SH3GLB2: variants seen among roughly 807,000 people sequenced by gnomAD.
The protein encoded by SH3GLB2 is endophilin-B2.
Under a neutral mutation model 48.0 loss-of-function variants are expected in SH3GLB2, and 24 were observed. That is an observed-to-expected ratio of 0.50 (90% CI 0.36 to 0.70). The LOEUF (loss-of-function observed/expected upper bound fraction) is 0.70, where lower values mean the gene tolerates loss of function less well. SH3GLB2 is among the 30% of genes least tolerant of loss of function. SH3GLB2 has a pLI of 0.00. For missense variants in SH3GLB2, 425 were observed against 516.0 expected (o/e 0.82, Z 1.71); for synonymous variants, 227 against 207.6 (o/e 1.09, Z -0.80).
In SH3GLB2 at chr9:129,008,799, G is replaced by T. The variant is rs1380704551; in HGVS notation, c.1081-8C>A. 6.2e-7 allele frequency: 1 copy of T among 1,612,700 alleles called. No homozygotes were observed. Among genetic ancestry groups the T allele is most frequent in the African/African-American group, 1.3e-5 (1 of 74,908 alleles). ...GCTGTAGACAGTGATGAGCTGCAGA[G>T]ATGGCAGTAGAGGACGGTCATGGCC... On this transcript the variant is annotated splice_polypyrimidine_tract_variant and splice_region_variant and intron_variant, in intron 10 of 10. Coordinates refer to ENST00000372564, the MANE Select transcript of SH3GLB2 (RefSeq NM_020145.4).
intron 1 of SH3GLB2, 58 bp downstream of exon 1, chr9:129,028,034 T>C: frequency 6.8e-7 from 1 of 1,464,036 alleles, no homozygotes; most frequent in Non-Finnish European, 9.0e-7. Flanking sequence ...TGCCGCAGGG[T>C]GCTCCCCGCC....
intron 1 of SH3GLB2, among the ~76,000 whole-genome samples, chr9:129,025,623 AAGGCAGGCAGGC>A (rs764337598): frequency 1.8e-4 from 26 of 146,146 alleles, no homozygotes; most frequent in South Asian, 8.7e-4. Flanking sequence ...GGAAGGAAGG[AAGGCAGGCAGGC>A]AGGCAGGCAG....
chr9:129,028,198 C>A lies in SH3GLB2; in HGVS notation c.-44G>T. The stretch of plus-strand genomic sequence containing the variant: ...CCGCGCACGGCCCGAGCGCAGCCGG[C>A]AGCCCCCGGCCCAGCCGCCGCCGCC... On this transcript the variant is annotated 5_prime_UTR_variant, in exon 1 of 11. Transcript: ENST00000372564. 8.1e-7 allele frequency: 1 copy of A among 1,236,848 alleles called. No homozygotes were observed. The allele number at this position is 1,236,848 out of a possible 1,614,324, so 76.6% of individuals were successfully genotyped here. A position where few individuals can be genotyped will look rare whatever the true frequency, so the allele number is the denominator to read the frequency against.
intron 9 of SH3GLB2, 35 bp downstream of exon 9, chr9:129,009,736 G>A (rs1257896832): frequency 1.3e-6 from 2 of 1,583,290 alleles, no homozygotes; most frequent in Non-Finnish European, 1.7e-6. Flanking sequence ...GGGAGCCAGG[G>A]GGCCCCAGTG....
At chr9:129,012,324 G>C in intron 5 of SH3GLB2, 26 bp from the exon 6 acceptor site, 1 of 1,278,410 alleles carries the variant, frequency 7.8e-7, no homozygotes, top group Non-Finnish European at 1.0e-6. Flanking sequence ...GTTCATGTGG[G>C]GAGGGGGTCA....
Position 129,009,304 on chromosome 9 carries a change from T to A in SH3GLB2, c.882A>T (p.Pro294=). The A allele has an allele frequency of 6.5e-7, 1 of 1,545,280 alleles. No homozygotes were observed. Among genetic ancestry groups the A allele is most frequent in the Non-Finnish European group, 8.7e-7 (1 of 1,143,306 alleles). Residue 294 remains proline (P), a synonymous_variant, in exon 10 of 11, where the codon CCA becomes CCT. Transcript: ENST00000372564. ...TGGTGGGTGAGGTGCTGCTCAGGGG[T>A]GGGGAGGCGGGCTCTGTGGTGCCCA... ...TFVGTTEPAS[P]PLSSTSPTTA... is the part of the protein sequence containing the mutation.
intron 3 of SH3GLB2, among the ~76,000 whole-genome samples, chr9:129,020,378 G>C (rs1843712064): frequency 1.3e-5 from 2 of 151,086 alleles, no homozygotes; most frequent in Non-Finnish European, 2.9e-5. Context: ...AGAACAGCCT[G>C]GTCAACATGG....
chr9:129,012,084 C>T (rs752034385), intron 6 of SH3GLB2, 152 bp downstream of exon 6: 2 of 440,328 alleles, frequency 4.5e-6, no homozygotes, highest in Non-Finnish European at 7.6e-6. Context: ...GGGGCTGCTG[C>T]CCCTCCCCAG....
intron 3 of SH3GLB2, among the ~76,000 whole-genome samples, chr9:129,020,525 C>T (rs569831402): frequency 2.8e-5 from 4 of 145,274 alleles, no homozygotes; most frequent in Non-Finnish European, 6.0e-5. Flanking sequence ...GAGCTGAGAT[C>T]GCACCACCGC....
chr9:129,012,741 G>C (rs960515457), intron 5 of SH3GLB2: 12 of 559,694 alleles, frequency 2.1e-5, no homozygotes, highest in Non-Finnish European at 2.9e-5. Flanking sequence ...TGCATCAAGG[G>C]CCAGGCCCCT....
intron 6 of SH3GLB2, 79 bp from the exon 7 acceptor site, chr9:129,010,772 C>T (rs1346181089): frequency 6.4e-7 from 1 of 1,570,970 alleles, no homozygotes; most frequent in African/African-American, 1.4e-5. Context: ...TGCCCTGCCC[C>T]AGCTCCCAGA....
At chr9:129,023,544 C>G (rs964840508) in intron 1 of SH3GLB2, among the ~76,000 whole-genome samples, 1 of 152,202 alleles carries the variant, frequency 6.6e-6, no homozygotes, top group African/African-American at 2.4e-5. Flanking sequence ...TTCCTCATGA[C>G]CTCATCAACC....
chr9:129,014,936 A>T lies in SH3GLB2; in HGVS notation c.335-32T>A, dbSNP rs1284804830. 1.9e-6 allele frequency: 3 copies of T among 1,606,908 alleles called. No homozygotes were observed. Among genetic ancestry groups the T allele is most frequent in the South Asian group, 2.2e-5 (2 of 89,856 alleles). On this transcript the variant is annotated intron_variant, in intron 3 of 10. Coordinates refer to ENST00000372564, the MANE Select transcript of SH3GLB2 (RefSeq NM_020145.4). This position sits in a 1 kb window ranked among gnomAD's most constrained non-coding sequence, Gnocchi z 4.1. ...AAACAGAGTTGAAGCGTGAGGAAGA[A>T]GGTCAGGCTCAGGCTACTCTGATCT... is the stretch of plus-strand genomic sequence containing the variant.
intron 1 of SH3GLB2, among the ~76,000 whole-genome samples, chr9:129,026,813 G>A (rs1273707890): frequency 3.9e-5 from 6 of 152,208 alleles, no homozygotes; most frequent in Non-Finnish European, 8.8e-5. Context: ...CCAATCCGAG[G>A]GGCTCTGGGA....
At chr9:129,021,612 T>G (rs986893490) in intron 2 of SH3GLB2, among the ~76,000 whole-genome samples, 1 of 151,340 alleles carries the variant, frequency 6.6e-6, no homozygotes, top group Non-Finnish European at 1.5e-5. Context: ...GGGGCCTGCC[T>G]GGGTGTGCTC....
intron 1 of SH3GLB2, among the ~76,000 whole-genome samples, chr9:129,024,642 G>A (rs1844031702): frequency 6.6e-6 from 1 of 151,910 alleles, no homozygotes; most frequent in Non-Finnish European, 1.5e-5. Context: ...AGCCCAGGAG[G>A]CGGAGGTTGC....
chr9:129,022,807 G>A (rs528254274), intron 1 of SH3GLB2, among the ~76,000 whole-genome samples: 1 of 152,300 alleles, frequency 6.6e-6, no homozygotes, highest in East Asian at 1.9e-4. Flanking sequence ...AAAGTACTCG[G>A]GACAAACAGG....
At chr9:129,010,953 C>T in intron 6 of SH3GLB2, 1 of 542,542 alleles carries the variant, frequency 1.8e-6, no homozygotes, top group Non-Finnish European at 3.3e-6. Context: ...ACAGTGTCAG[C>T]CCCATTCTCT....
In SH3GLB2 at chr9:129,008,763, A is replaced by G. The variant is rs1242454740; in HGVS notation, c.1109T>C (p.Met370Thr). The change falls in exon 11 of 11, where the codon ATG becomes ACG. Residue 370 changes from methionine (M) to threonine (T), a missense_variant. Met to Thr is a moderately conservative substitution (Grantham distance 81). Transcript: ENST00000372564. ...ELITVYSLPG[M>T]DPDWLIGERG... ...CTCGCCAATGAGCCAGTCAGGGTCC[A>G]TGCCAGGCAGGCTGTAGACAGTGAT... The G allele has an allele frequency of 2.5e-6, 4 of 1,614,010 alleles. No homozygotes were observed. The Admixed American group carries it at 5.0e-5, about 20-fold the overall frequency.
Sources: gnomAD v4.1 joint callset for allele counts (sites outside exome capture counted in the v4.1 genomes callset) on GRCh38, gnomAD v4.1.1 for gene constraint, Gnocchi (gnomAD v3.1) non-coding constraint, MANE v1.5 for transcripts, NCBI Gene and HGNC (gene_info 2026-07-23, HGNC 2026-07-21) for gene names.